The following RTN1 variants were observed in gnomAD, a reference collection of about 807,000 sequenced individuals.
The protein encoded by RTN1 is reticulon-1.
A neutral mutation model predicts 65.5 loss-of-function variants in RTN1; 25 were observed. That is an observed-to-expected ratio of 0.38 (90% CI 0.28 to 0.53). The LOEUF is 0.53. Ranked by LOEUF, RTN1 falls within the 20% of genes least tolerant of loss-of-function variation. The pLI is 0.79. For missense variants in RTN1, 983 were observed against 1,025.4 expected (o/e 0.96, Z 0.57); for synonymous variants, 471 against 447.6 (o/e 1.05, Z -0.66).
intron 6 of RTN1, among the ~76,000 whole-genome samples, chr14:59,603,597 T>C (rs921596884): frequency 6.6e-6 from 1 of 151,782 alleles, no homozygotes; most frequent in Non-Finnish European, 1.5e-5. Context: ...TCCAAATATA[T>C]ATATTACAAG....
intron 3 of RTN1, among the ~76,000 whole-genome samples, chr14:59,655,207 T>A (rs943252729): frequency 1.3e-5 from 2 of 152,178 alleles, no homozygotes; most frequent in Non-Finnish European, 2.9e-5. Flanking sequence ...CCACTTTCAA[T>A]AGCATAAGAA....
intron 2 of RTN1, among the ~76,000 whole-genome samples, chr14:59,736,940 A>C (rs1469793324): frequency 6.6e-6 from 1 of 152,242 alleles, no homozygotes; most frequent in African/African-American, 2.4e-5. Flanking sequence ...TAGATGCAGA[A>C]AAGGTCTTCA....
intron 3 of RTN1, among the ~76,000 whole-genome samples, chr14:59,649,904 A>G (rs1228713823): frequency 6.6e-6 from 1 of 152,254 alleles, no homozygotes; most frequent in Non-Finnish European, 1.5e-5. Context: ...TACTGGGTAT[A>G]TACCCAAAGG....
At chr14:59,776,496 T>G (rs1026528411) in intron 1 of RTN1, among the ~76,000 whole-genome samples, 2 of 152,106 alleles carry the variant, frequency 1.3e-5, no homozygotes, top group Admixed American at 6.6e-5. Context: ...AGAAAATAAA[T>G]TTTTCTCTTT....
intron 3 of RTN1, among the ~76,000 whole-genome samples, chr14:59,614,779 G>A (rs181766829): frequency 1.2e-4 from 19 of 152,120 alleles, no homozygotes; most frequent in Non-Finnish European, 1.3e-4. Context: ...ATTTCTGTCC[G>A]ATGTCCTAGG....
At chr14:59,851,243 AAC>A (rs990518644) in intron 1 of RTN1, among the ~76,000 whole-genome samples, 1 of 152,216 alleles carries the variant, frequency 6.6e-6, no homozygotes, top group Non-Finnish European at 1.5e-5. Flanking sequence ...ATTGTTAGGA[AAC>A]ACAATCATTA....
At chr14:59,861,426 G>T (rs1810267404) in intron 1 of RTN1, among the ~76,000 whole-genome samples, 1 of 152,114 alleles carries the variant, frequency 6.6e-6, no homozygotes, top group South Asian at 2.1e-4. Context: ...TTTGTAAATT[G>T]CCCAGTCTCG....
intron 5 of RTN1, 153 bp from the exon 6 acceptor site, chr14:59,604,074 A>G (rs79098513): frequency 0.066 from 32,589 of 497,328 alleles, 1,247 homozygotes; most frequent in Middle Eastern, 0.12. Context: ...CACAGAATCA[A>G]TGAAAGAGGA....
intron 3 of RTN1, among the ~76,000 whole-genome samples, chr14:59,687,297 T>C (rs763383159): frequency 6.6e-6 from 1 of 151,708 alleles, no homozygotes; most frequent in Non-Finnish European, 1.5e-5. Context: ...TTCATGGATA[T>C]AGATCATGGT....
intron 3 of RTN1, among the ~76,000 whole-genome samples, chr14:59,699,775 T>C (rs1480475797): frequency 6.6e-6 from 1 of 152,174 alleles, no homozygotes; most frequent in Non-Finnish European, 1.5e-5. Context: ...GATCCAGAGT[T>C]TGAACCTAGG....
chr14:59,681,854 G>T (rs1180542183), intron 3 of RTN1, among the ~76,000 whole-genome samples: 2 of 152,006 alleles, frequency 1.3e-5, no homozygotes, highest in African/African-American at 4.8e-5. Flanking sequence ...CTCAAACCTT[G>T]ATTTCTACTT....
chr14:59,649,863 C>A (rs1882985811), intron 3 of RTN1, among the ~76,000 whole-genome samples: 1 of 152,136 alleles, frequency 6.6e-6, no homozygotes, highest in South Asian at 2.1e-4. Context: ...GGATTTAGAA[C>A]CAGAAATACC....
chr14:59,820,963 T>G (rs909263664), intron 1 of RTN1, among the ~76,000 whole-genome samples: 1 of 152,240 alleles, frequency 6.6e-6, no homozygotes, highest in Non-Finnish European at 1.5e-5. Flanking sequence ...GGCTTTGTTC[T>G]TTTTGCTTAA....
chr14:59,845,570 TAAACAC>T (rs1887393695), intron 1 of RTN1, among the ~76,000 whole-genome samples: 1 of 152,180 alleles, frequency 6.6e-6, no homozygotes, highest in South Asian at 2.1e-4. Context: ...GAGTGCTTTA[TAAACAC>T]AAATCTGAGA....
intron 3 of RTN1, among the ~76,000 whole-genome samples, chr14:59,725,440 T>C (rs1884736833): frequency 6.6e-6 from 1 of 152,234 alleles, no homozygotes; most frequent in South Asian, 2.1e-4. Flanking sequence ...TGAAGGTTGT[T>C]CATGTTAATA....
intron 3 of RTN1, among the ~76,000 whole-genome samples, chr14:59,664,540 AAT>A (rs1196615248): frequency 2.6e-5 from 4 of 152,180 alleles, no homozygotes; most frequent in Non-Finnish European, 4.4e-5. Flanking sequence ...TTTTTTATTT[AAT>A]AGAGTCTTGA....
rs530748960 is a variant in RTN1 at position 59,766,913 on chromosome 14, C to G, written c.242-20432G>C. The stretch of plus-strand genomic sequence containing the variant: ...GTTTAGTTATTTAACTCCACCCATC[C>G]CAGTATATCGGGCACTGAGCACCTA... On this transcript the variant is annotated intron_variant, in intron 1 of 8. Transcript: ENST00000267484. The surrounding 1 kb of genome is among the most constrained non-coding windows in gnomAD (Gnocchi z 4.4). Among the ~76,000 whole-genome samples the G allele has an allele frequency of 6.6e-5, 10 of 152,258 alleles. 1 individual carries two copies. The highest frequency in any genetic ancestry group is 2.0e-4 in the Admixed American group (3 of 15,298).
chr14:59,804,816 G>A (rs985535488), intron 1 of RTN1, among the ~76,000 whole-genome samples: 4 of 152,210 alleles, frequency 2.6e-5, no homozygotes, highest in Admixed American at 6.5e-5. Flanking sequence ...ATGAGGAAAG[G>A]TGAATTGGTC....
chr14:59,650,860 T>A (rs985533152), intron 3 of RTN1, among the ~76,000 whole-genome samples: 6 of 152,124 alleles, frequency 3.9e-5, no homozygotes, highest in Admixed American at 1.3e-4. Context: ...CAAACCTATC[T>A]ACCAATGACA....
Sources: gnomAD v4.1 joint callset for allele counts (sites outside exome capture counted in the v4.1 genomes callset) on GRCh38, gnomAD v4.1.1 for gene constraint, Gnocchi (gnomAD v3.1) non-coding constraint, MANE v1.5 for transcripts, NCBI Gene and HGNC (gene_info 2026-07-23, HGNC 2026-07-21) for gene names.